DMD: variants seen among roughly 807,000 people sequenced by gnomAD.
The protein encoded by DMD is mutant dystrophin.
DMD carries 63 observed loss-of-function variants against 330.1 expected under a neutral mutation model. The ratio of observed to expected loss-of-function variants is 0.19; its 90% CI spans 0.16 to 0.24. The LOEUF (loss-of-function observed/expected upper bound fraction) is 0.24, where lower values mean the gene tolerates loss of function less well. DMD is among the 10% of genes least tolerant of loss of function. DMD has a pLI of 1.00. For synonymous variants in DMD, 1,223 were observed against 959.8 expected (o/e 1.27, Z -5.07); for missense variants, 3,344 against 2,684.1 (o/e 1.25, Z -5.43).
At chrX:32,761,234 C>G (rs1377914769) in intron 7 of DMD, among the ~76,000 whole-genome samples, 3 of 112,027 alleles carry the variant, frequency 2.7e-5, no homozygotes, top group Admixed American at 1.9e-4. Flanking sequence ...TCAAGAAGCA[C>G]AGCTACTGTA....
Position 31,561,800 on chromosome X carries a change from A to T in DMD, c.8218-54347T>A, listed in dbSNP as rs777177949. Among the ~76,000 whole-genome samples, 6 of 112,228 alleles carry T rather than the reference A, an allele frequency of 5.3e-5. No individual in the cohort carries two copies. The South Asian group carries it at 2.2e-3, about 42-fold the overall frequency. On this transcript the variant is annotated intron_variant, in intron 55 of 78. Transcript: ENST00000357033. ...TGGAGACAAAAATATCTTCAATCCA[A>T]CCACCTCATAATAAAACCAACATAT...
Position 31,538,155 on chromosome X carries a change from T to C in DMD, c.8218-30702A>G. 1.8e-5 allele frequency among the ~76,000 whole-genome samples: 2 copies of C among 112,063 alleles called. 1 individual carries two copies. Among genetic ancestry groups the C allele is most frequent in the Middle Eastern group, 8.4e-3 (2 of 238 alleles). On this transcript the variant is annotated intron_variant, in intron 55 of 78. Transcript: ENST00000357033. ...GGAATCTGGGTGTGGGTGGAAAAGA[T>C]ATATCACAGCTAACGGGGGCTGAGA...
chrX:31,978,689 G>C (rs1357985473), intron 44 of DMD, among the ~76,000 whole-genome samples: 1 of 111,574 alleles, frequency 9.0e-6, no homozygotes, highest in East Asian at 2.9e-4. Context: ...ACAACTCACA[G>C]TGACGTCCTG....
At chrX:32,421,383 A>G (rs1232590159) in intron 29 of DMD, among the ~76,000 whole-genome samples, 1 of 111,973 alleles carries the variant, frequency 8.9e-6, no homozygotes, top group Non-Finnish European at 1.9e-5. Context: ...TTTGGCTCTG[A>G]TATGATTCAT....
At chrX:32,394,314 G>A (rs766081519) in intron 30 of DMD, among the ~76,000 whole-genome samples, 3 of 111,489 alleles carry the variant, frequency 2.7e-5, no homozygotes, top group Non-Finnish European at 5.7e-5. Context: ...GAGTATCAGG[G>A]TGAAATCATG....
rs1009857747 is a variant in DMD at position 32,367,117 on chromosome X, T to C, written c.4846-1918A>G. On this transcript the variant is annotated intron_variant, in intron 34 of 78. Transcript: ENST00000357033. ...ATATTCTGGGAGATTATTAGAAGTC[T>C]CTCATTTGGGTAGATACAGACCCTT... is the stretch of plus-strand genomic sequence containing the variant. 7.1e-5 allele frequency among the ~76,000 whole-genome samples: 8 copies of C among 112,011 alleles called. No homozygotes were observed. The Admixed American group carries it at 7.6e-4, about 11-fold the overall frequency.
At chrX:32,316,715 A>T (rs1238730391) in intron 41 of DMD, among the ~76,000 whole-genome samples, 1 of 111,465 alleles carries the variant, frequency 9.0e-6, no homozygotes, top group Admixed American at 9.6e-5. Flanking sequence ...ATATACAATA[A>T]TGTTTAATAT....
chrX:33,293,481 C>A (rs755396589), intron 1 of DMD, among the ~76,000 whole-genome samples: 1 of 111,451 alleles, frequency 9.0e-6, no homozygotes, highest in South Asian at 3.8e-4. Context: ...ATCACATTGC[C>A]ATCCAAGTAA....
chrX:33,297,961 CA>C (rs749990013), intron 1 of DMD, among the ~76,000 whole-genome samples: 1 of 108,731 alleles, frequency 9.2e-6, no homozygotes, highest in Non-Finnish European at 1.9e-5. Context: ...GTTCTCATCA[CA>C]AAAAAAAGAG....
chrX:32,158,392 G>A lies in DMD; in HGVS notation c.6438+58524C>T, dbSNP rs1477656145. On this transcript the variant is annotated intron_variant, in intron 44 of 78. Coordinates refer to ENST00000357033, the MANE Select transcript of DMD (RefSeq NM_004006.3). ...AAAAACAAATAAAGAAAAATGCATC[G>A]AAAGTAAAGAAAAAAGAAAAAAATA... 2.7e-5 allele frequency among the ~76,000 whole-genome samples: 3 copies of A among 109,993 alleles called. No homozygotes were observed. In the East Asian group the frequency reaches 8.5e-4, roughly 31 times the overall value.
intron 18 of DMD, among the ~76,000 whole-genome samples, chrX:32,508,768 T>C (rs2044913226): frequency 1.8e-5 from 2 of 112,216 alleles, no homozygotes; most frequent in African/African-American, 3.2e-5. Flanking sequence ...CTCATTCTAC[T>C]TAAAGGTAAC....
chrX:32,721,921 T>TC (rs975025121), intron 7 of DMD, among the ~76,000 whole-genome samples: 1 of 109,126 alleles, frequency 9.2e-6, no homozygotes, highest in Non-Finnish European at 1.9e-5. Flanking sequence ...GACTGTCCTT[T>TC]CCCCACATAT....
chrX:33,280,915 T>C (rs1187712234), intron 1 of DMD, among the ~76,000 whole-genome samples: 1 of 111,580 alleles, frequency 9.0e-6, no homozygotes, highest in African/African-American at 3.3e-5. Context: ...CTAGTATAGG[T>C]CCTGTGCCAT....
At chrX:32,219,118 G>A (rs1478063840) in intron 43 of DMD, among the ~76,000 whole-genome samples, 1 of 112,061 alleles carries the variant, frequency 8.9e-6, no homozygotes, top group Non-Finnish European at 1.9e-5. Flanking sequence ...TCTAACTGTA[G>A]TTAGTGAAAA....
chrX:32,284,943 T>C (rs1308880617), intron 43 of DMD, among the ~76,000 whole-genome samples: 1 of 110,785 alleles, frequency 9.0e-6, no homozygotes, highest in Non-Finnish European at 1.9e-5. Context: ...GTCCTCAGAG[T>C]TGGGGTGAGA....
At chrX:31,359,062 TACTTATTGAGTGTTTATAAGGC>T (rs1473899504) in intron 60 of DMD, among the ~76,000 whole-genome samples, 1 of 112,422 alleles carries the variant, frequency 8.9e-6, no homozygotes, top group Non-Finnish European at 1.9e-5. Context: ...ATTACTCAAA[TACTTATTGAGTGTTTATAAGGC>T]ACTTTGCTAG....
At chrX:33,093,808 C>T (rs780454377) in intron 1 of DMD, among the ~76,000 whole-genome samples, 15 of 110,250 alleles carry the variant, frequency 1.4e-4, no homozygotes, top group East Asian at 1.1e-3. Flanking sequence ...ATCAACTAGG[C>T]CATAATCTTG....
intron 48 of DMD, among the ~76,000 whole-genome samples, chrX:31,841,500 T>C (rs1431381635): frequency 9.0e-6 from 1 of 111,401 alleles, no homozygotes; most frequent in Non-Finnish European, 1.9e-5. Context: ...CAGTCTTCTA[T>C]TGGAAAAAGA....
intron 1 of DMD, among the ~76,000 whole-genome samples, chrX:33,315,835 T>C (rs1456377509): frequency 9.0e-6 from 1 of 111,240 alleles, no homozygotes; most frequent in African/African-American, 3.3e-5. Context: ...TTACTATGCC[T>C]ACAACAGTAC....
Sources: allele counts gnomAD v4.1 joint callset (sites outside exome capture counted in the v4.1 genomes callset), GRCh38; gene constraint gnomAD v4.1.1; transcripts MANE v1.5; gene names NCBI Gene and HGNC (gene_info 2026-07-23, HGNC 2026-07-21).